Variants in SNTG1 observed in about 807,000 individuals in gnomAD.
SNTG1 encodes the protein syntrophin gamma 1.
A neutral mutation model predicts 74.7 loss-of-function variants in SNTG1; 39 were observed. That is an observed-to-expected ratio of 0.52 (90% CI 0.40 to 0.68). The LOEUF is 0.68. Ranked by LOEUF, SNTG1 falls within the 30% of genes least tolerant of loss-of-function variation. SNTG1 has a pLI of 0.00. For missense variants in SNTG1, 685 were observed against 609.5 expected (o/e 1.12, Z -1.30); for synonymous variants, 254 against 217.1 (o/e 1.17, Z -1.49).
chr8:50,585,627 C>G (rs1353075035), intron 12 of SNTG1, among the ~76,000 whole-genome samples: 2 of 152,022 alleles, frequency 1.3e-5, no homozygotes, highest in East Asian at 1.9e-4. Flanking sequence ...AGTATTACTA[C>G]CAAGAGTAGA....
intron 4 of SNTG1, among the ~76,000 whole-genome samples, chr8:50,410,397 TAAAA>T (rs973251788): frequency 3.3e-5 from 5 of 152,046 alleles, no homozygotes; most frequent in Non-Finnish European, 5.9e-5. Flanking sequence ...TTTAAACTTT[TAAAA>T]AAAACTCTTG....
intron 16 of SNTG1, among the ~76,000 whole-genome samples, chr8:50,705,660 T>C (rs1427548647): frequency 6.6e-6 from 1 of 152,196 alleles, no homozygotes; most frequent in Non-Finnish European, 1.5e-5. Flanking sequence ...TTGTTTGGAA[T>C]TATCTTATCA....
chr8:50,044,702 C>T (rs1818932826), intron 1 of SNTG1, among the ~76,000 whole-genome samples: 1 of 152,086 alleles, frequency 6.6e-6, no homozygotes, highest in African/African-American at 2.4e-5. Context: ...TTCTTGTTTT[C>T]TCATAAAATA....
At chr8:50,081,911 GT>G (rs1451712229) in intron 1 of SNTG1, among the ~76,000 whole-genome samples, 1 of 152,162 alleles carries the variant, frequency 6.6e-6, no homozygotes, top group African/African-American at 2.4e-5. Flanking sequence ...GATTACAGGC[GT>G]GAGCCATTGC....
intron 12 of SNTG1, among the ~76,000 whole-genome samples, chr8:50,554,643 G>C (rs879431712): frequency 5.3e-5 from 8 of 151,906 alleles, no homozygotes; most frequent in African/African-American, 1.9e-4. Flanking sequence ...CCATATTAGA[G>C]TTGAGGTTGC....
chr8:50,780,120 GA>G (rs757355110), intron 18 of SNTG1, among the ~76,000 whole-genome samples: 2 of 152,114 alleles, frequency 1.3e-5, no homozygotes, highest in Admixed American at 6.6e-5. Flanking sequence ...TTTTATTGAG[GA>G]TTTTTGCATC....
chr8:50,255,132 T>G (rs2086824190), intron 2 of SNTG1, among the ~76,000 whole-genome samples: 2 of 152,044 alleles, frequency 1.3e-5, no homozygotes, highest in African/African-American at 4.8e-5. Flanking sequence ...TATGAGCTCA[T>G]CTTAGAGAAC....
chr8:50,084,795 T>TGGGAGTGTGTTAGTTATTGC (rs1563569549), intron 1 of SNTG1, among the ~76,000 whole-genome samples: 1 of 152,196 alleles, frequency 6.6e-6, no homozygotes, highest in African/African-American at 2.4e-5. Flanking sequence ...GCTGTTATTG[T>TGGGAGTGTGTTAGTTATTGC]GGGAGTGTGT....
intron 8 of SNTG1, among the ~76,000 whole-genome samples, chr8:50,454,911 G>A (rs938390798): frequency 1.3e-5 from 2 of 150,848 alleles, no homozygotes; most frequent in African/African-American, 4.9e-5. Context: ...CTGAGGCTGA[G>A]TACTTTGTGT....
At chr8:50,569,587 G>A (rs1483187112) in intron 12 of SNTG1, among the ~76,000 whole-genome samples, 2 of 151,446 alleles carry the variant, frequency 1.3e-5, no homozygotes, top group African/African-American at 4.9e-5. Context: ...ACATTGAAAA[G>A]GCTCAACAAA....
At chr8:49,913,889 T>C (rs1805791112) in intron 1 of SNTG1, among the ~76,000 whole-genome samples, 1 of 152,182 alleles carries the variant, frequency 6.6e-6, no homozygotes, top group Non-Finnish European at 1.5e-5. Context: ...CCTCTGTGTA[T>C]ATGGCCGCAG....
At chr8:50,230,375 C>G (rs180677228) in intron 2 of SNTG1, among the ~76,000 whole-genome samples, 68 of 151,140 alleles carry the variant, frequency 4.5e-4, no homozygotes, top group Non-Finnish European at 8.3e-4. Flanking sequence ...AGGGACGTCA[C>G]TACAGACCCT....
chr8:50,708,070 G>A (rs547211626), intron 16 of SNTG1: 78 of 234,944 alleles, frequency 3.3e-4, no homozygotes, highest in African/African-American at 1.4e-3. Context: ...GCACGGTGGC[G>A]GGCGACTGTA....
At chr8:49,948,216 A>G (rs1455188388) in intron 1 of SNTG1, among the ~76,000 whole-genome samples, 11 of 152,234 alleles carry the variant, frequency 7.2e-5, no homozygotes, top group Non-Finnish European at 5.9e-5. Flanking sequence ...TCTGTAAATT[A>G]AACTCCACAG....
chr8:50,626,128 A>G (rs2094954719), intron 13 of SNTG1, among the ~76,000 whole-genome samples: 1 of 152,224 alleles, frequency 6.6e-6, no homozygotes, highest in African/African-American at 2.4e-5. Context: ...GGCTTCCTAC[A>G]TACATTCTTG....
At chr8:50,749,811 T>C (rs1457108662) in intron 17 of SNTG1, among the ~76,000 whole-genome samples, 1 of 152,006 alleles carries the variant, frequency 6.6e-6, no homozygotes, top group Non-Finnish European at 1.5e-5. Context: ...TTCAAAATAA[T>C]ACGGCTCACT....
intron 9 of SNTG1, among the ~76,000 whole-genome samples, chr8:50,515,655 C>A (rs552888406): frequency 1.3e-5 from 2 of 152,194 alleles, no homozygotes; most frequent in South Asian, 4.2e-4. Flanking sequence ...TAGTAGGCGG[C>A]TTTCTCCTCA....
chr8:50,073,909 C>G (rs191887788), intron 1 of SNTG1, among the ~76,000 whole-genome samples: 2 of 149,300 alleles, frequency 1.3e-5, no homozygotes, highest in Non-Finnish European at 3.0e-5. Flanking sequence ...TGGTGTTGTC[C>G]GGCTTTGTTG....
chr8:50,162,027 G>T (rs1434343154), intron 1 of SNTG1, among the ~76,000 whole-genome samples: 1 of 152,136 alleles, frequency 6.6e-6, no homozygotes, highest in Non-Finnish European at 1.5e-5. Context: ...AGGAGGAAGA[G>T]CAAGAGGGAG....
Sources: gnomAD v4.1 joint callset for allele counts (sites outside exome capture counted in the v4.1 genomes callset) on GRCh38, gnomAD v4.1.1 for gene constraint, MANE v1.5 for transcripts, NCBI Gene and HGNC (gene_info 2026-07-23, HGNC 2026-07-21) for gene names.